The following UBE2H variants were observed in gnomAD, a reference collection of about 807,000 sequenced individuals.
UBE2H encodes ubiquitin-conjugating enzyme E2 H.
A neutral mutation model predicts 29.0 loss-of-function variants in UBE2H; 3 were observed. The observed-to-expected ratio is 0.10, with a 90% CI of 0.05 to 0.27. The LOEUF (loss-of-function observed/expected upper bound fraction) is 0.27, where lower values mean the gene tolerates loss of function less well. UBE2H is among the 10% of genes least tolerant of loss of function. The pLI is 1.00. For synonymous variants in UBE2H, 69 were observed against 82.9 expected, an observed-to-expected ratio of 0.83 and a Z score of 0.91; for missense variants, 68 against 228.2, an observed-to-expected ratio of 0.30 and a Z score of 4.52.
At chr7:129,884,583 C>T (rs1247259016) in intron 1 of UBE2H, among the ~76,000 whole-genome samples, 1 of 150,440 alleles carries the variant, frequency 6.6e-6, no homozygotes, top group African/African-American at 2.4e-5. Context: ...ACTGGTTCAA[C>T]GAATTACTAT....
chr7:129,859,412 T>C (rs1805761244), intron 3 of UBE2H, among the ~76,000 whole-genome samples: 1 of 152,198 alleles, frequency 6.6e-6, no homozygotes, highest in South Asian at 2.1e-4. Context: ...AATGAAACTG[T>C]TGAAATGCTA....
At chr7:129,902,235 A>C (rs1806730325) in intron 1 of UBE2H, among the ~76,000 whole-genome samples, 1 of 152,216 alleles carries the variant, frequency 6.6e-6, no homozygotes, top group Non-Finnish European at 1.5e-5. Flanking sequence ...ACGGTGGCTC[A>C]CAGCTGTAAT....
intron 1 of UBE2H, among the ~76,000 whole-genome samples, chr7:129,925,477 T>C (rs543536295): frequency 1.5e-4 from 23 of 152,276 alleles, no homozygotes; most frequent in African/African-American, 5.1e-4. Flanking sequence ...CTCCCAAATA[T>C]GTAAATGAAA....
chr7:129,837,657 G>A (rs926774368), intron 6 of UBE2H, among the ~76,000 whole-genome samples: 5 of 152,122 alleles, frequency 3.3e-5, no homozygotes, highest in Non-Finnish European at 7.3e-5. Context: ...GGTGGTGGGA[G>A]TGAGTTTGAG....
Position 129,952,614 on chromosome 7 carries a change from G to A in UBE2H, c.-59C>T. Reference sequence around the variant, plus strand: ...CGTCTGTCACGGGCCCGGGGCCCCGGCTCTGAGGAGCCCGCGGCCGCGCCG... The same window carrying A: ...CGTCTGTCACGGGCCCGGGGCCCCGACTCTGAGGAGCCCGCGGCCGCGCCG... On this transcript the variant is annotated 5_prime_UTR_variant, in exon 1 of 7. Transcript: ENST00000355621. 2.5e-6 allele frequency: 4 copies of A among 1,579,760 alleles called. No homozygotes were observed. The Admixed American group carries it at 6.9e-5, about 27-fold the overall frequency.
intron 3 of UBE2H, among the ~76,000 whole-genome samples, chr7:129,870,445 T>C (rs1245871834): frequency 2.6e-5 from 4 of 152,178 alleles, no homozygotes; most frequent in Non-Finnish European, 4.4e-5. Context: ...GTGAAACCCA[T>C]GGCTACAAAA....
At chr7:129,947,827 G>A (rs149548329) in intron 1 of UBE2H, among the ~76,000 whole-genome samples, 4 of 152,006 alleles carry the variant, frequency 2.6e-5, no homozygotes, top group Admixed American at 6.5e-5. Flanking sequence ...GCACAATGCT[G>A]GCACAAAGCA....
intron 1 of UBE2H, among the ~76,000 whole-genome samples, chr7:129,915,442 G>A (rs1204942909): frequency 6.6e-6 from 1 of 152,144 alleles, no homozygotes; most frequent in Non-Finnish European, 1.5e-5. Context: ...GCTGAGGCAG[G>A]AGAATGGCAT....
At chr7:129,928,753 T>C (rs1052918788) in intron 1 of UBE2H, among the ~76,000 whole-genome samples, 2 of 152,092 alleles carry the variant, frequency 1.3e-5, no homozygotes, top group African/African-American at 4.8e-5. Flanking sequence ...TATAGAAGTA[T>C]CACTGTATGC....
At chr7:129,945,141 A>G (rs1356269843) in intron 1 of UBE2H, among the ~76,000 whole-genome samples, 1 of 152,230 alleles carries the variant, frequency 6.6e-6, no homozygotes, top group African/African-American at 2.4e-5. Context: ...AAAGGGCCAC[A>G]AGAAACTTTG....
intron 3 of UBE2H, chr7:129,864,933 T>C (rs1805872352): frequency 4.2e-6 from 1 of 239,948 alleles, no homozygotes; most frequent in South Asian, 4.6e-5. Context: ...TGGACAGTTA[T>C]TCTCTGGCGT....
intron 5 of UBE2H, chr7:129,839,648 A>T: frequency 7.1e-6 from 2 of 283,672 alleles, no homozygotes; most frequent in Non-Finnish European, 1.3e-5. Flanking sequence ...AAAACCCCCC[A>T]CTCTGAAAGG....
intron 1 of UBE2H, among the ~76,000 whole-genome samples, chr7:129,922,004 T>A (rs1406601231): frequency 6.6e-6 from 1 of 152,058 alleles, no homozygotes; most frequent in Non-Finnish European, 1.5e-5. Context: ...TTTTTTTTTT[T>A]AGACAGTCTC....
chr7:129,930,071 A>T (rs1807356623), intron 1 of UBE2H, among the ~76,000 whole-genome samples: 1 of 152,250 alleles, frequency 6.6e-6, no homozygotes, highest in Non-Finnish European at 1.5e-5. Flanking sequence ...ATTAAAGCAC[A>T]TCCTAGACTT....
intron 5 of UBE2H, 175 bp downstream of exon 5, chr7:129,857,336 T>C (rs979634959): frequency 3.2e-6 from 2 of 626,968 alleles, no homozygotes; most frequent in African/African-American, 1.9e-5. Flanking sequence ...GCTAAACTGA[T>C]ATATTTGTAC....
intron 3 of UBE2H, among the ~76,000 whole-genome samples, chr7:129,861,861 C>A (rs900243458): frequency 6.6e-6 from 1 of 152,198 alleles, no homozygotes; most frequent in Non-Finnish European, 1.5e-5. Flanking sequence ...GCACTCCAGC[C>A]TGGAAGCCAG....
chr7:129,836,878 T>TGAAAAAAAAAAAAAAAAAAA (rs1805336404), intron 6 of UBE2H, among the ~76,000 whole-genome samples: 1 of 24,200 alleles, frequency 4.1e-5, no homozygotes, highest in East Asian at 1.4e-3. Context: ...AGACTCCGTC[T>TGAAAAAAAAAAAAAAAAAAA]CAAAAAAAAA....
At chr7:129,913,875 C>G (rs142368570) in intron 1 of UBE2H, among the ~76,000 whole-genome samples, 2 of 152,306 alleles carry the variant, frequency 1.3e-5, no homozygotes, top group Non-Finnish European at 2.9e-5. Flanking sequence ...CCAAGTCTGA[C>G]CTCAGAGGCT....
rs181134290 is a variant in UBE2H at position 129,839,192 on chromosome 7, T to C, written c.427+15A>G. 1 of 1,607,930 alleles carries C rather than the reference T, an allele frequency of 6.2e-7. No homozygotes were observed. Among genetic ancestry groups the C allele is most frequent in the African/African-American group, 1.3e-5 (1 of 74,672 alleles). The stretch of plus-strand genomic sequence containing the variant: ...AAGTTCTTTTGTCTCCAGGTTAAAC[T>C]ACCCATCCTCTTACCTTTAATTTTC... On this transcript the variant is annotated intron_variant, in intron 6 of 6. Transcript: ENST00000355621.
Sources: gnomAD v4.1 joint callset for allele counts (sites outside exome capture counted in the v4.1 genomes callset) on GRCh38, gnomAD v4.1.1 for gene constraint, MANE v1.5 for transcripts, NCBI Gene and HGNC (gene_info 2026-07-23, HGNC 2026-07-21) for gene names.